The following ARHGAP32 variants were observed in gnomAD, a reference collection of about 807,000 sequenced individuals.
The protein encoded by ARHGAP32 is Rho GTPase activating protein 32.
Under a neutral mutation model 186.5 loss-of-function variants are expected in ARHGAP32, and 51 were observed. The observed-to-expected ratio is 0.27, with a 90% CI of 0.22 to 0.35. ARHGAP32 has a LOEUF of 0.35. Among genes scored for constraint, ARHGAP32 ranks in the 10% least tolerant of loss-of-function variants. The pLI is 1.00. For missense variants in ARHGAP32, 2,186 were observed against 2,623.5 expected, an observed-to-expected ratio of 0.83 and a Z score of 3.64; for synonymous variants, 950 against 964.3, an observed-to-expected ratio of 0.99 and a Z score of 0.27.
rs888744170 is a variant in ARHGAP32 at position 128,981,399 on chromosome 11, G to A, written c.1780+17C>T. On this transcript the variant is annotated intron_variant, in intron 17 of 22. Coordinates refer to ENST00000682385, the MANE Select transcript of ARHGAP32 (RefSeq NM_001378024.1). ...TGAGACACACCCTCCTGGTAGGAAG[G>A]GCCATCGGAGCCGTACCTGCCCCCT... 5 of 1,566,238 alleles carry A rather than the reference G, an allele frequency of 3.2e-6. 1 individual carries two copies. The highest frequency in any genetic ancestry group is 1.4e-5 in the African/African-American group (1 of 73,850).
intron 10 of ARHGAP32, among the ~76,000 whole-genome samples, chr11:129,053,520 T>C (rs1018556827): frequency 6.6e-6 from 1 of 152,156 alleles, no homozygotes; most frequent in Non-Finnish European, 1.5e-5. Context: ...GAGCCACTAT[T>C]ATTCATTAAA....
At chr11:129,125,797 G>GTTT in intron 2 of ARHGAP32, 4 of 338,216 alleles carry the variant, frequency 1.2e-5, no homozygotes, top group South Asian at 2.4e-5. Context: ...CTTTTTGAGG[G>GTTT]TTTTTTTTTT....
intron 10 of ARHGAP32, among the ~76,000 whole-genome samples, chr11:129,049,010 A>C (rs1939927937): frequency 6.6e-6 from 1 of 152,148 alleles, no homozygotes; most frequent in Non-Finnish European, 1.5e-5. Context: ...AGTGAGAATA[A>C]AGTCGGAGAT....
At chr11:129,131,910 A>G (rs1322065676) in intron 2 of ARHGAP32, among the ~76,000 whole-genome samples, 8 of 152,226 alleles carry the variant, frequency 5.3e-5, no homozygotes, top group Non-Finnish European at 8.8e-5. Flanking sequence ...ATCAGGAAAA[A>G]TAGTGCAAGA....
At chr11:129,205,766 T>C (rs924858278) in intron 1 of ARHGAP32, among the ~76,000 whole-genome samples, 1 of 152,194 alleles carries the variant, frequency 6.6e-6, no homozygotes, top group Non-Finnish European at 1.5e-5. Context: ...AACAAAATTC[T>C]CATTTATTTA....
At chr11:129,032,205 C>T (rs1233465639) in intron 11 of ARHGAP32, among the ~76,000 whole-genome samples, 1 of 152,224 alleles carries the variant, frequency 6.6e-6, no homozygotes, top group Non-Finnish European at 1.5e-5. Context: ...AAAGAGCACA[C>T]TGTAACACAT....
At chr11:129,226,945 G>A (rs1227185832) in intron 1 of ARHGAP32, among the ~76,000 whole-genome samples, 2 of 152,068 alleles carry the variant, frequency 1.3e-5, no homozygotes, top group Non-Finnish European at 2.9e-5. Flanking sequence ...CACAGGTAAA[G>A]CTAACTACAT....
chr11:129,162,457 G>C (rs1395126157), intron 2 of ARHGAP32, among the ~76,000 whole-genome samples: 3 of 152,106 alleles, frequency 2.0e-5, no homozygotes, highest in Admixed American at 2.0e-4. Flanking sequence ...TATTGTTGTT[G>C]AGGAGTCAAT....
At chr11:129,161,739 G>A (rs150399655) in intron 2 of ARHGAP32, among the ~76,000 whole-genome samples, 10,247 of 152,190 alleles carry the variant, frequency 0.067, 407 homozygotes, top group Middle Eastern at 0.078. Flanking sequence ...ACAGTGCGGC[G>A]ATTCCTCAAG....
At chr11:129,072,339 C>T (rs1282835702) in intron 6 of ARHGAP32, among the ~76,000 whole-genome samples, 1 of 152,050 alleles carries the variant, frequency 6.6e-6, no homozygotes, top group Non-Finnish European at 1.5e-5. Flanking sequence ...AAATGACAGG[C>T]CATACAAAAA....
At chr11:129,073,170 T>A (rs763978913) in intron 6 of ARHGAP32, among the ~76,000 whole-genome samples, 1 of 152,146 alleles carries the variant, frequency 6.6e-6, no homozygotes, top group Admixed American at 6.5e-5. Flanking sequence ...TTTAACATAC[T>A]TCTTTGACCC....
intron 2 of ARHGAP32, among the ~76,000 whole-genome samples, chr11:129,156,731 G>A (rs1191453634): frequency 6.6e-6 from 1 of 152,220 alleles, no homozygotes; most frequent in Non-Finnish European, 1.5e-5. Context: ...GCTCTGCTAA[G>A]GGACAGACTG....
At position 129,037,813 on chromosome 11, in the gene ARHGAP32, CAT is replaced by C. The variant is rs544526344; in HGVS notation, c.1045+3113_1045+3114del. Reference sequence around the variant, plus strand: ...AGGGTACTATTGGCATAAGAAAACACATATAGAGACTGGGCACGGTGGCTCAT... The same window carrying C: ...AGGGTACTATTGGCATAAGAAAACACATAGAGACTGGGCACGGTGGCTCAT... On this transcript the variant is annotated intron_variant, in intron 11 of 22. Transcript: ENST00000682385. Among the ~76,000 whole-genome samples, 296 of 151,744 alleles carry C rather than the reference CAT, an allele frequency of 2.0e-3. 4 individuals are homozygous for C. The highest frequency in any genetic ancestry group is 2.5e-3 in the Non-Finnish European group (169 of 67,942).
intron 5 of ARHGAP32, among the ~76,000 whole-genome samples, chr11:129,120,077 T>C (rs1181175230): frequency 1.3e-5 from 2 of 152,088 alleles, no homozygotes; most frequent in East Asian, 1.9e-4. Context: ...GTGCCAAATA[T>C]AGAAGGCTAT....
At chr11:129,000,860 A>G (rs1306515621) in intron 11 of ARHGAP32, among the ~76,000 whole-genome samples, 6 of 152,168 alleles carry the variant, frequency 3.9e-5, no homozygotes, top group Non-Finnish European at 8.8e-5. Context: ...GATCCCACAA[A>G]TAAGTGAGAA....
chr11:129,119,580 T>C (rs537271929), intron 5 of ARHGAP32, among the ~76,000 whole-genome samples: 18 of 152,188 alleles, frequency 1.2e-4, no homozygotes, highest in Admixed American at 8.5e-4. Flanking sequence ...TCAATCACTG[T>C]TCTAGATGTT....
At chr11:129,035,792 C>A (rs1005182777) in intron 11 of ARHGAP32, among the ~76,000 whole-genome samples, 1 of 150,456 alleles carries the variant, frequency 6.6e-6, no homozygotes, top group African/African-American at 2.5e-5. Context: ...TGCAGTGAGC[C>A]GAGATCACGC....
In ARHGAP32 at chr11:128,974,799, G is replaced by A; in HGVS notation, c.2398C>T (p.Pro800Ser). 6.2e-7 allele frequency: 1 copy of A among 1,614,058 alleles called. No homozygotes were observed. Among genetic ancestry groups the A allele is most frequent in the Non-Finnish European group, 8.5e-7 (1 of 1,179,982 alleles). The change falls in exon 21 of 23, where the codon CCA becomes TCA. Residue 800 changes from proline to serine, a missense_variant. Physicochemically the swap from Pro to Ser is moderately conservative, Grantham distance 74. This residue lies in a region of ARHGAP32 where 263 missense variants were observed against 323.5 expected (regional missense o/e 0.81). Transcript: ENST00000682385. ...HSAEDVDLSPPDIGVASLDFD... is the reference protein window; with the variant it reads ...HSAEDVDLSPSDIGVASLDFD... ...TCCAGGCTGGCTACTCCAATGTCTG[G>A]TGGGCTCAAGTCAACATCCTCAGCT...
At chr11:129,167,604 A>G (rs1943665284) in intron 1 of ARHGAP32, among the ~76,000 whole-genome samples, 3 of 152,226 alleles carry the variant, frequency 2.0e-5, no homozygotes, top group South Asian at 4.1e-4. Flanking sequence ...GCTAAATAAA[A>G]TAAGTCAGAG....
Sources: allele counts gnomAD v4.1 joint callset (sites outside exome capture counted in the v4.1 genomes callset), GRCh38; gene constraint gnomAD v4.1.1; regional missense constraint gnomAD v4.1.1; transcripts MANE v1.5; gene names NCBI Gene and HGNC (gene_info 2026-07-23, HGNC 2026-07-21).